SSPN: variants seen among roughly 807,000 people sequenced by gnomAD.
The protein encoded by SSPN is K-ras oncogene-associated protein.
A neutral mutation model predicts 19.1 loss-of-function variants in SSPN; 15 were observed. The ratio of observed to expected loss-of-function variants is 0.78; its 90% CI spans 0.52 to 1.21. The LOEUF (loss-of-function observed/expected upper bound fraction) is 1.21. Among genes scored for constraint, SSPN ranks in the 50% most tolerant of loss-of-function variants. The pLI is 0.00. For missense variants in SSPN, 291 were observed against 314.0 expected (o/e 0.93, Z 0.55); for synonymous variants, 147 against 140.3 (o/e 1.05, Z -0.34).
Position 26,223,101 on chromosome 12 carries a change from T to C in SSPN, c.280-1192T>C, listed in dbSNP as rs372087113. ...AACATCACTGCTAATTTTCCTGAAA[T>C]GTGTCTCTCAAATCATGTCATTCCC... On this transcript the variant is annotated intron_variant, in intron 1 of 2. Coordinates refer to ENST00000242729, the MANE Select transcript of SSPN (RefSeq NM_005086.5). 2.6e-5 allele frequency among the ~76,000 whole-genome samples: 4 copies of C among 152,192 alleles called. No homozygotes were observed. The East Asian group carries it at 7.7e-4, about 29-fold the overall frequency.
At chr12:26,196,494 C>T (rs979492217) in intron 1 of SSPN, among the ~76,000 whole-genome samples, 8 of 152,232 alleles carry the variant, frequency 5.3e-5, no homozygotes, top group African/African-American at 1.9e-4. Context: ...ACAGCAAGCA[C>T]AGCCTTAATC....
chr12:26,220,962 C>G (rs1945114636), intron 1 of SSPN, among the ~76,000 whole-genome samples: 2 of 152,150 alleles, frequency 1.3e-5, no homozygotes, highest in Non-Finnish European at 2.9e-5. Context: ...TCTTCTCTTC[C>G]CAAGAATTGC....
chr12:26,153,988 TG>T (rs1166251202), intron 1 of SSPN, among the ~76,000 whole-genome samples: 3 of 152,184 alleles, frequency 2.0e-5, no homozygotes, highest in African/African-American at 7.2e-5. Context: ...AACTCAGTCA[TG>T]GGGTACCCCT....
upstream of SSPN, among the ~76,000 whole-genome samples, chr12:26,191,677 TACACACACACAC>T (rs10525695): frequency 8.3e-3 from 1,241 of 149,108 alleles, 20 homozygotes; most frequent in African/African-American, 0.027. Context: ...TAATTTGTTC[TACACACACACAC>T]ACACACACAC....
chr12:26,155,221 A>G (rs17367221), intron 1 of SSPN, among the ~76,000 whole-genome samples: 5,900 of 152,310 alleles, frequency 0.039, 148 homozygotes, highest in South Asian at 0.069. Flanking sequence ...TAAATTGGGT[A>G]AATGAAATAA....
At chr12:26,190,796 T>A (rs994150378), upstream of SSPN, among the ~76,000 whole-genome samples, 4 of 152,174 alleles carry the variant, frequency 2.6e-5, no homozygotes, top group Admixed American at 2.6e-4. Context: ...TTGTATACAA[T>A]AACATGCACA....
At chr12:26,221,557 A>C (rs1591893611) in intron 1 of SSPN, among the ~76,000 whole-genome samples, 1 of 152,282 alleles carries the variant, frequency 6.6e-6, no homozygotes, top group Non-Finnish European at 1.5e-5. Context: ...GTTCCTATGC[A>C]ACTTCTTTCT....
At chr12:26,160,267 C>T (rs11048419) in intron 1 of SSPN, among the ~76,000 whole-genome samples, 24,831 of 152,220 alleles carry the variant, frequency 0.16, 4,543 homozygotes, top group African/African-American at 0.45. Flanking sequence ...ATAAAGAAAA[C>T]AGGAAAATGC....
At chr12:26,167,979 T>TGAGGTGG (rs1944631329) in intron 1 of SSPN, among the ~76,000 whole-genome samples, 1 of 152,124 alleles carries the variant, frequency 6.6e-6, no homozygotes, top group African/African-American at 2.4e-5. Flanking sequence ...TTTGGGAGGC[T>TGAGGTGG]GAGGTGGGAG....
chr12:26,204,527 G>GCTGATGCAAAGA (rs67179511), intron 1 of SSPN, among the ~76,000 whole-genome samples: 1 of 151,764 alleles, frequency 6.6e-6, no homozygotes, highest in Non-Finnish European at 1.5e-5. Context: ...TGATGCAAAG[G>GCTGATGCAAAGA]TGGCTGGCTG....
upstream of SSPN, among the ~76,000 whole-genome samples, chr12:26,192,062 TATC>T (rs1315328914): frequency 6.6e-6 from 1 of 152,240 alleles, no homozygotes; most frequent in African/African-American, 2.4e-5. Flanking sequence ...TTTAAAGAGT[TATC>T]ATCTTCCCCG....
intron 1 of SSPN, among the ~76,000 whole-genome samples, chr12:26,129,807 TTGAG>T (rs1448077651): frequency 1.7e-4 from 26 of 152,206 alleles, no homozygotes; most frequent in South Asian, 2.1e-4. Flanking sequence ...GCAGATAATA[TTGAG>T]TATTAGAAAT....
chr12:26,205,468 A>G (rs1944923435), intron 1 of SSPN, among the ~76,000 whole-genome samples: 1 of 152,152 alleles, frequency 6.6e-6, no homozygotes, highest in Admixed American at 6.5e-5. Context: ...GCTTCCTTCT[A>G]AAGTATCAGG....
At position 26,195,642 on chromosome 12, in the gene SSPN, C is replaced by CGGGGGGGG; in HGVS notation, c.-31_-30insGGGGGGGG. 2 of 907,510 alleles carry CGGGGGGGG rather than the reference C, an allele frequency of 2.2e-6. No homozygotes were observed. Among genetic ancestry groups the CGGGGGGGG allele is most frequent in the Non-Finnish European group, 1.4e-6 (1 of 720,058 alleles). 56.2% of individuals were successfully genotyped at this position (907,510 alleles called of 1,614,324 possible). On this transcript the variant is annotated 5_prime_UTR_variant, in exon 1 of 3. Transcript: ENST00000242729. Reference sequence around the variant, plus strand: ...TCCAGGGCCCAGGGCGCCGCACACGCACCCACCCACCCACCCAGCCTCGCA... The same window carrying CGGGGGGGG: ...TCCAGGGCCCAGGGCGCCGCACACGCGGGGGGGGACCCACCCACCCACCCAGCCTCGCA...
chr12:26,200,529 T>A (rs1283203501), intron 1 of SSPN, among the ~76,000 whole-genome samples: 1 of 152,170 alleles, frequency 6.6e-6, no homozygotes, highest in Non-Finnish European at 1.5e-5. Flanking sequence ...TAGTTGTTAT[T>A]CAGAATTTAT....
chr12:26,209,514 A>T (rs2137476955), intron 1 of SSPN, among the ~76,000 whole-genome samples: 1 of 151,076 alleles, frequency 6.6e-6, no homozygotes, highest in South Asian at 2.1e-4. Flanking sequence ...ATCTTGGGTT[A>T]TTTTCTCAGA....
chr12:26,221,671 C>G (rs575003406), intron 1 of SSPN, among the ~76,000 whole-genome samples: 14 of 152,226 alleles, frequency 9.2e-5, no homozygotes, highest in Middle Eastern at 6.8e-3. Flanking sequence ...GCTAGTTAGG[C>G]CTTATTACTG....
chr12:26,137,950 G>T (rs186436530), intron 1 of SSPN, among the ~76,000 whole-genome samples: 65 of 152,004 alleles, frequency 4.3e-4, no homozygotes, highest in Middle Eastern at 6.8e-3. Context: ...ATAGGCATGA[G>T]TCACCGCGTC....
intron 1 of SSPN, among the ~76,000 whole-genome samples, 164 bp downstream of exon 1, chr12:26,196,115 G>A (rs1321058605): frequency 6.6e-6 from 1 of 152,208 alleles, no homozygotes; most frequent in African/African-American, 2.4e-5. Flanking sequence ...GTTTTCCCGG[G>A]CGGGGCAGGG....
Sources: allele counts gnomAD v4.1 joint callset (sites outside exome capture counted in the v4.1 genomes callset), GRCh38; gene constraint gnomAD v4.1.1; transcripts MANE v1.5; gene names NCBI Gene and HGNC (gene_info 2026-07-23, HGNC 2026-07-21).